The following EXD2 variants were observed in gnomAD, a reference collection of about 807,000 sequenced individuals.
EXD2 encodes the protein exonuclease 3'-5' domain containing 2.
A neutral mutation model predicts 62.5 loss-of-function variants in EXD2; 40 were observed. That is an observed-to-expected ratio of 0.64 (90% CI 0.50 to 0.83). The LOEUF is 0.83. Ranked by LOEUF, EXD2 falls within the 40% of genes least tolerant of loss-of-function variation. The probability of loss-of-function intolerance (pLI) is 0.00; values close to 1 mark genes in which losing one functional copy is unlikely to be tolerated. For synonymous variants in EXD2, 239 were observed against 291.9 expected, an observed-to-expected ratio of 0.82 and a Z score of 1.85; for missense variants, 671 against 761.8, an observed-to-expected ratio of 0.88 and a Z score of 1.40.
chr14:69,220,803 A>C (rs909179082), intron 3 of EXD2, among the ~76,000 whole-genome samples: 1 of 152,028 alleles, frequency 6.6e-6, no homozygotes, highest in Non-Finnish European at 1.5e-5. Flanking sequence ...CGGAAGGCAG[A>C]GGTTGCAGTG....
At chr14:69,220,287 T>C (rs1438566801) in intron 3 of EXD2, among the ~76,000 whole-genome samples, 1 of 97,846 alleles carries the variant, frequency 1.0e-5, no homozygotes, top group African/African-American at 4.0e-5. Flanking sequence ...TTTTTTTTTT[T>C]TGAGACAGAG....
rs574779098 is a variant in EXD2, at chr14:69,233,206, T to A, written c.718-1494T>A. 3.3e-5 allele frequency among the ~76,000 whole-genome samples: 5 copies of A among 152,282 alleles called. No homozygotes were observed. In the South Asian group the frequency reaches 1.0e-3, roughly 32 times the overall value. On this transcript the variant is annotated intron_variant, in intron 5 of 9. Coordinates refer to ENST00000685843, the MANE Select transcript of EXD2 (RefSeq NM_001193360.2). The stretch of plus-strand genomic sequence containing the variant: ...GCACACATTCTTCTGTGGGAAACAG[T>A]CTGCTAATAGATATGTAGATTGTTG...
At chr14:69,230,681 T>C in intron 5 of EXD2, 83 bp downstream of exon 5, 1 of 1,467,870 alleles carries the variant, frequency 6.8e-7, no homozygotes, top group Non-Finnish European at 9.1e-7. Context: ...TTCTCAAATA[T>C]AGTATAAGTA....
chr14:69,213,601 T>C (rs1483985236), intron 3 of EXD2, among the ~76,000 whole-genome samples: 1 of 144,538 alleles, frequency 6.9e-6, no homozygotes, highest in African/African-American at 2.5e-5. Context: ...GGTCTTCAAC[T>C]CCTGGCCTCA....
intron 3 of EXD2, among the ~76,000 whole-genome samples, chr14:69,219,339 A>T (rs1365879388): frequency 6.6e-6 from 1 of 152,072 alleles, no homozygotes; most frequent in African/African-American, 2.4e-5. Context: ...AAATGCTTTG[A>T]TTTTTGCACA....
At chr14:69,215,255 AC>A (rs2042948957) in intron 3 of EXD2, among the ~76,000 whole-genome samples, 1 of 151,194 alleles carries the variant, frequency 6.6e-6, no homozygotes, top group South Asian at 2.1e-4. Flanking sequence ...GTGCCACTGC[AC>A]TCCAGCCTGG....
intron 1 of EXD2, among the ~76,000 whole-genome samples, chr14:69,202,033 G>A (rs1051501790): frequency 6.6e-6 from 1 of 152,100 alleles, no homozygotes; most frequent in African/African-American, 2.4e-5. Context: ...GTTCATGCCT[G>A]TAATCCTAGC....
chr14:69,196,162 A>G (rs1332753124), intron 1 of EXD2: 4 of 152,228 alleles, frequency 2.6e-5, no homozygotes, highest in Non-Finnish European at 4.4e-5. Context: ...CTGTCTGCAC[A>G]TTGGATTCGC....
intron 5 of EXD2, among the ~76,000 whole-genome samples, chr14:69,234,426 AGG>A (rs2043696541): frequency 5.3e-5 from 8 of 152,216 alleles, no homozygotes; most frequent in African/African-American, 1.9e-4. Flanking sequence ...TGATTTATAT[AGG>A]TGAGGATTTT....
rs1467868381 is a variant in EXD2, at chr14:69,241,217, A to C, written c.*117A>C. 1.2e-5 allele frequency: 9 copies of C among 724,610 alleles called. No individual in the cohort carries two copies. In the Admixed American group the frequency reaches 2.5e-4, roughly 20 times the overall value. The allele number at this position is 724,610 out of a possible 1,614,324, so 44.9% of individuals were successfully genotyped here. On this transcript the variant is annotated 3_prime_UTR_variant, in exon 10 of 10. Coordinates refer to ENST00000685843, the MANE Select transcript of EXD2 (RefSeq NM_001193360.2). ...AAGCCTGTGTGACACAACTCAGAAT[A>C]CTAACCTAGACTAATCCCAGGATGC... is the stretch of plus-strand genomic sequence containing the variant.
chr14:69,240,550 G>C (rs1594788646), intron 9 of EXD2, among the ~76,000 whole-genome samples: 1 of 152,156 alleles, frequency 6.6e-6, no homozygotes, highest in East Asian at 1.9e-4. Context: ...ACTGGTCACT[G>C]GGTAATCCTG....
intron 4 of EXD2, among the ~76,000 whole-genome samples, chr14:69,229,726 C>T (rs954474669): frequency 2.6e-5 from 4 of 152,034 alleles, no homozygotes; most frequent in Non-Finnish European, 5.9e-5. Context: ...GGCGGGGAGT[C>T]GTAATTACCT....
At chr14:69,192,982 CTGGG>C (rs1385124710) in intron 1 of EXD2, among the ~76,000 whole-genome samples, 1 of 151,872 alleles carries the variant, frequency 6.6e-6, no homozygotes, top group Non-Finnish European at 1.5e-5. Context: ...GGTGGAATTG[CTGGG>C]TGGGAGAGTA....
At chr14:69,235,886 G>A in intron 6 of EXD2, 160 bp from the exon 7 acceptor site, 2 of 698,758 alleles carry the variant, frequency 2.9e-6, no homozygotes, top group Admixed American at 2.0e-5. Context: ...TGCAGGTGAG[G>A]ATTAAACATG....
intron 7 of EXD2, 122 bp from the exon 8 acceptor site, chr14:69,236,285 C>A (rs2043782520): frequency 1.3e-6 from 2 of 1,545,962 alleles, no homozygotes; most frequent in Admixed American, 3.4e-5. Context: ...ACTGGGTAGG[C>A]ACAACCCAGA....
At chr14:69,240,686 T>C (rs1310445559) in intron 9 of EXD2, among the ~76,000 whole-genome samples, 198 bp from the exon 10 acceptor site, 4 of 152,142 alleles carry the variant, frequency 2.6e-5, no homozygotes, top group African/African-American at 7.2e-5. Flanking sequence ...ATACCTTCTG[T>C]TGGGATTGCG....
At chr14:69,218,889 C>G (rs1309667264) in intron 3 of EXD2, among the ~76,000 whole-genome samples, 1 of 152,310 alleles carries the variant, frequency 6.6e-6, no homozygotes, top group Admixed American at 6.5e-5. Flanking sequence ...GTACCAGTAC[C>G]ATGCTGCTTT....
At chr14:69,236,593 T>A (rs749882837) in intron 8 of EXD2, 51 bp downstream of exon 8, 1 of 1,613,096 alleles carries the variant, frequency 6.2e-7, no homozygotes, top group South Asian at 1.1e-5. Context: ...TGGAAATTGC[T>A]TTTGTAGCCA....
At position 69,241,523 on chromosome 14, in the gene EXD2, AG is replaced by A. The variant is rs1280256690; in HGVS notation, c.*424del. 1.9e-5 allele frequency: 5 copies of A among 261,734 alleles called. No individual in the cohort carries two copies. Among genetic ancestry groups the A allele is most frequent in the Middle Eastern group, 1.1e-3 (1 of 902 alleles). The allele number at this position is 261,734 out of a possible 1,614,324, so 16.2% of individuals were successfully genotyped here. A position where few individuals can be genotyped will look rare whatever the true frequency, so the allele number is the denominator to read the frequency against. On this transcript the variant is annotated 3_prime_UTR_variant, in exon 10 of 10. Transcript: ENST00000685843. ...AGTATATCGGTCCTGTTAGGAGGGG[AG>A]AAAAAGTTCTTCCAAAGGCTGGAGA... is the stretch of plus-strand genomic sequence containing the variant.
Sources: gnomAD v4.1 joint callset for allele counts (sites outside exome capture counted in the v4.1 genomes callset) on GRCh38, gnomAD v4.1.1 for gene constraint, MANE v1.5 for transcripts, NCBI Gene and HGNC (gene_info 2026-07-23, HGNC 2026-07-21) for gene names.